The following MANBA variants were observed in gnomAD, a reference collection of about 807,000 sequenced individuals.
MANBA encodes beta-mannosidase.
A neutral mutation model predicts 111.1 loss-of-function variants in MANBA; 83 were observed. That is an observed-to-expected ratio of 0.75 (90% confidence interval 0.63 to 0.90). The LOEUF (loss-of-function observed/expected upper bound fraction) is 0.90, where lower values mean the gene tolerates loss of function less well. Ranked by LOEUF, MANBA falls within the 40% of genes least tolerant of loss-of-function variation. MANBA has a pLI of 0.00. For synonymous variants in MANBA, 370 were observed against 378.7 expected, an observed-to-expected ratio of 0.98 and a Z score of 0.27; for missense variants, 1,036 against 1,069.0, an observed-to-expected ratio of 0.97 and a Z score of 0.43.
chr4:102,716,899 G>T (rs903896846), intron 4 of MANBA, among the ~76,000 whole-genome samples: 6 of 152,106 alleles, frequency 3.9e-5, no homozygotes, highest in African/African-American at 1.4e-4. Flanking sequence ...AGACAAATTT[G>T]TTTTTACTAT....
intron 14 of MANBA, among the ~76,000 whole-genome samples, chr4:102,636,920 T>C (rs1338652494): frequency 6.6e-6 from 1 of 152,164 alleles, no homozygotes; most frequent in Non-Finnish European, 1.5e-5. Context: ...CCATGTGTTG[T>C]AGGAGGGACC....
intron 5 of MANBA, among the ~76,000 whole-genome samples, chr4:102,713,605 A>G (rs977962306): frequency 1.3e-5 from 2 of 152,206 alleles, no homozygotes; most frequent in Admixed American, 1.3e-4. Flanking sequence ...TTTTCACCTT[A>G]GAAATATTTC....
At chr4:102,676,310 C>T (rs1046214108) in intron 7 of MANBA, among the ~76,000 whole-genome samples, 3 of 152,078 alleles carry the variant, frequency 2.0e-5, no homozygotes, top group African/African-American at 7.2e-5. Flanking sequence ...TAAACTTATA[C>T]ATGATAAGCT....
At chr4:102,719,364 T>C (rs1206662287) in intron 4 of MANBA, among the ~76,000 whole-genome samples, 1 of 152,204 alleles carries the variant, frequency 6.6e-6, no homozygotes, top group Non-Finnish European at 1.5e-5. Context: ...CTTCCCTTCT[T>C]CCCTGAAAAT....
At position 102,699,867 on chromosome 4, in the gene MANBA, C is replaced by A. The variant is rs1262767463; in HGVS notation, c.674-9096G>T. Among the ~76,000 whole-genome samples, 493 of 150,698 alleles carry A rather than the reference C, an allele frequency of 3.3e-3. 1 individual carries two copies. The highest frequency in any genetic ancestry group is 0.011 in the African/African-American group (463 of 41,210). On this transcript the variant is annotated intron_variant, in intron 5 of 16. Coordinates refer to ENST00000647097, the MANE Select transcript of MANBA (RefSeq NM_005908.4). ...AGCTTTGGTATCAGGATGATGCTGG[C>A]CTCATAAAATGAGTTAGGGAGGATT...
Position 102,650,703 on chromosome 4 carries a change from T to C in MANBA, c.1705-2A>G, listed in dbSNP as rs767086387. On this transcript the variant is annotated splice_acceptor_variant, in intron 12 of 16. Transcript: ENST00000647097. LOFTEE classifies it high-confidence loss of function. ...AGACCAGTCCTCTGTAGACGAGACCTTTCAAATAAAGAATAAGAATTAGAA... is the reference window on the plus strand; with the variant it reads ...AGACCAGTCCTCTGTAGACGAGACCCTTCAAATAAAGAATAAGAATTAGAA... 2.1e-5 allele frequency: 34 copies of C among 1,610,352 alleles called. No homozygotes were observed. Among genetic ancestry groups the C allele is most frequent in the Non-Finnish European group, 2.4e-5 (28 of 1,176,844 alleles).
In MANBA at chr4:102,689,588, C is replaced by A; in HGVS notation, c.946G>T (p.Glu316Ter). The change falls in exon 7 of 17, where the codon GAA becomes TAA. Residue 316 changes from glutamate to a stop codon, truncating the protein, a stop_gained. Transcript: ENST00000647097. LOFTEE classifies it high-confidence loss of function. ...LFELDGGLNIEKSAKVYFRTV... is the reference protein window; with the variant it reads ...LFELDGGLNI ...TACTTACTTACCTTAGCTGATTTTTCAATATTTAAGCCTCCATCCAGTTCA... is the reference window on the plus strand; with the variant it reads ...TACTTACTTACCTTAGCTGATTTTTAAATATTTAAGCCTCCATCCAGTTCA... The A allele has an allele frequency of 6.3e-7, 1 of 1,591,248 alleles. No homozygotes were observed. The highest frequency in any genetic ancestry group is 8.6e-7 in the Non-Finnish European group (1 of 1,162,608).
In MANBA at chr4:102,730,019, G is replaced by A. The variant is rs141471431; in HGVS notation, c.178-3336C>T. 6.6e-3 allele frequency: 5,360 copies of A among 816,694 alleles called. 39 individuals carry two copies. The highest frequency in any genetic ancestry group is 0.016 in the Middle Eastern group (51 of 3,202). The allele number at this position is 816,694 out of a possible 1,614,324, so 50.6% of individuals were successfully genotyped here. On this transcript the variant is annotated intron_variant, in intron 1 of 16. Transcript: ENST00000647097. Reference sequence around the variant, plus strand: ...CGCTGCTGCCCTCACCATAGCCTCCGCCCAGACAACCTTGGAAGCTGCTGC... The same window carrying A: ...CGCTGCTGCCCTCACCATAGCCTCCACCCAGACAACCTTGGAAGCTGCTGC...
At chr4:102,729,134 T>C in intron 1 of MANBA, 2 of 730,418 alleles carry the variant, frequency 2.7e-6, no homozygotes, top group Non-Finnish European at 5.1e-6. Context: ...GTTGGCATCC[T>C]TAACAGCCAG....
At chr4:102,671,215 G>T in intron 9 of MANBA, 66 bp downstream of exon 9, 1 of 1,014,216 alleles carries the variant, frequency 9.9e-7, no homozygotes, top group Non-Finnish European at 1.6e-6. Flanking sequence ...GCATCATTCA[G>T]AACATTGGCA....
chr4:102,650,763 A>G (rs1730300074), intron 12 of MANBA, 62 bp from the exon 13 acceptor site: 15 of 1,338,690 alleles, frequency 1.1e-5, no homozygotes, highest in Non-Finnish European at 1.6e-5. Flanking sequence ...CTTTTCTATA[A>G]GTTCCTGACA....
chr4:102,688,539 T>G (rs1732328855), intron 7 of MANBA, among the ~76,000 whole-genome samples: 1 of 152,004 alleles, frequency 6.6e-6, no homozygotes, highest in Non-Finnish European at 1.5e-5. Flanking sequence ...AAATACCAAA[T>G]GTAAGAGGTG....
intron 9 of MANBA, 76 bp from the exon 10 acceptor site, chr4:102,669,125 CT>C: frequency 8.9e-7 from 1 of 1,120,406 alleles, no homozygotes; most frequent in Non-Finnish European, 1.3e-6. Flanking sequence ...ATTCTGAGCT[CT>C]GGGCATTATC....
At chr4:102,751,287 T>C (rs1578960948) in intron 1 of MANBA, 2 of 323,698 alleles carry the variant, frequency 6.2e-6, no homozygotes, top group Admixed American at 3.9e-5. Flanking sequence ...AGGCTTAGAC[T>C]GCAGCTTCTC....
intron 1 of MANBA, among the ~76,000 whole-genome samples, chr4:102,748,965 T>C (rs1171690454): frequency 6.6e-6 from 1 of 152,006 alleles, no homozygotes; most frequent in Non-Finnish European, 1.5e-5. Context: ...TGTTTCTAAA[T>C]GTCATTAAGA....
intron 1 of MANBA, chr4:102,727,937 T>C (rs1722873507): frequency 2.2e-6 from 1 of 463,952 alleles, no homozygotes; most frequent in Non-Finnish European, 4.1e-6. Flanking sequence ...AAGCAAAGTC[T>C]ACTGAGAGAA....
At position 102,631,611 on chromosome 4, in the gene MANBA, G is replaced by T; in HGVS notation, c.*446C>A. On this transcript the variant is annotated 3_prime_UTR_variant, in exon 17 of 17. Transcript: ENST00000647097. Reference sequence around the variant, plus strand: ...AAATCTCTGTTGTAACATTTCAATCGCCATTCCCTCTGAAATAATAACAAA... The same window carrying T: ...AAATCTCTGTTGTAACATTTCAATCTCCATTCCCTCTGAAATAATAACAAA... 2.5e-6 allele frequency: 1 copy of T among 402,938 alleles called. No individual in the cohort carries two copies. Among genetic ancestry groups the T allele is most frequent in the Non-Finnish European group, 4.4e-6 (1 of 229,864 alleles). The allele number at this position is 402,938 out of a possible 1,614,324, so 25.0% of individuals were successfully genotyped here.
chr4:102,666,554 A>C (rs2110218587), intron 10 of MANBA: 1 of 152,446 alleles, frequency 6.6e-6, no homozygotes, highest in African/African-American at 2.4e-5. Flanking sequence ...AGAACAAAGG[A>C]GGTGGCTCAC....
rs531637558 is a variant in MANBA, at chr4:102,750,154, C to T, written c.177+10564G>A. Among the ~76,000 whole-genome samples the T allele has an allele frequency of 8.5e-5, 13 of 152,170 alleles. No individual in the cohort carries two copies. The South Asian group carries it at 2.7e-3, about 32-fold the overall frequency. ...GCTATTTTATCTCCTTAATGTCACACCTGATAGAAGCAGTCAAACTTTTTT... is the reference window on the plus strand; with the variant it reads ...GCTATTTTATCTCCTTAATGTCACATCTGATAGAAGCAGTCAAACTTTTTT... On this transcript the variant is annotated intron_variant, in intron 1 of 16. Coordinates refer to ENST00000647097, the MANE Select transcript of MANBA (RefSeq NM_005908.4).
Sources: allele counts gnomAD v4.1 joint callset (sites outside exome capture counted in the v4.1 genomes callset), GRCh38; gene constraint gnomAD v4.1.1; transcripts MANE v1.5; gene names NCBI Gene and HGNC (gene_info 2026-07-23, HGNC 2026-07-21).